Variants in ADGRL2 observed in about 807,000 individuals in gnomAD.
The protein encoded by ADGRL2 is calcium-independent alpha-latrotoxin receptor 2.
ADGRL2 carries 44 observed loss-of-function variants against 157.4 expected under a neutral mutation model. The observed-to-expected ratio is 0.28, with a 90% CI of 0.22 to 0.36. The LOEUF (loss-of-function observed/expected upper bound fraction) is 0.36, where lower values mean the gene tolerates loss of function less well. ADGRL2 is among the 10% of genes least tolerant of loss of function. ADGRL2 has a pLI of 1.00. For synonymous variants in ADGRL2, 585 were observed against 624.7 expected (o/e 0.94, Z 0.95); for missense variants, 1,510 against 1,768.9 (o/e 0.85, Z 2.63).
intron 2 of ADGRL2, among the ~76,000 whole-genome samples, chr1:81,885,942 G>A (rs77778305): frequency 0.019 from 2,839 of 152,202 alleles, 78 homozygotes; most frequent in African/African-American, 0.065. Context: ...AATTTAGACA[G>A]GTCAGATAAC....
At chr1:81,460,647 TC>T (rs113658032) in intron 2 of ADGRL2, among the ~76,000 whole-genome samples, 13 of 152,144 alleles carry the variant, frequency 8.5e-5, no homozygotes, top group African/African-American at 2.9e-4. Context: ...ATTTACTGTT[TC>T]CCCATTGACT....
At position 81,883,261 on chromosome 1, in the gene ADGRL2, C is replaced by T. The variant is rs556668523; in HGVS notation, c.74-23756C>T. Among the ~76,000 whole-genome samples, 232 of 152,276 alleles carry T rather than the reference C, an allele frequency of 1.5e-3. 7 individuals are homozygous for T. The South Asian group carries it at 0.033, about 22-fold the overall frequency. ...TTTTTAAAAAATTATAACATTCTAA[C>T]ATTACTTGAGCACTAAAGTGCTACA... On this transcript the variant is annotated intron_variant, in intron 2 of 23. Transcript: ENST00000686636.
At chr1:81,462,462 C>T (rs757092820) in intron 2 of ADGRL2, among the ~76,000 whole-genome samples, 1 of 151,194 alleles carries the variant, frequency 6.6e-6, no homozygotes, top group Non-Finnish European at 1.5e-5. Flanking sequence ...AAGAACCCAC[C>T]AGAAGGAACA....
At chr1:81,664,261 C>G (rs1308199827) in intron 3 of ADGRL2, among the ~76,000 whole-genome samples, 1 of 152,014 alleles carries the variant, frequency 6.6e-6, no homozygotes, top group Non-Finnish European at 1.5e-5. Context: ...TCTCAGACAT[C>G]TAGAATATAG....
At chr1:81,895,093 T>TG (rs2094353044) in intron 2 of ADGRL2, among the ~76,000 whole-genome samples, 2 of 152,172 alleles carry the variant, frequency 1.3e-5, no homozygotes, top group South Asian at 2.1e-4. Flanking sequence ...CTAAGACACT[T>TG]GCTTGAGTCA....
At chr1:81,949,498 T>C (rs1190764537) in intron 6 of ADGRL2, among the ~76,000 whole-genome samples, 1 of 152,246 alleles carries the variant, frequency 6.6e-6, no homozygotes, top group Non-Finnish European at 1.5e-5. Flanking sequence ...TTTGATCTGA[T>C]GCTTTATCTT....
At chr1:81,749,185 A>G (rs188535349) in intron 1 of ADGRL2, among the ~76,000 whole-genome samples, 103 of 152,210 alleles carry the variant, frequency 6.8e-4, no homozygotes, top group African/African-American at 2.5e-3. Context: ...ACCTTCCCCA[A>G]TTTACCATTT....
chr1:81,903,933 T>G (rs1290589547), intron 2 of ADGRL2, among the ~76,000 whole-genome samples: 1 of 151,584 alleles, frequency 6.6e-6, no homozygotes, highest in Non-Finnish European at 1.5e-5. Flanking sequence ...GTGATACATA[T>G]ATAATAATAA....
intron 2 of ADGRL2, among the ~76,000 whole-genome samples, chr1:81,507,107 AG>A (rs1229938772): frequency 6.6e-6 from 1 of 151,994 alleles, no homozygotes. Context: ...TTTAATAGCA[AG>A]GGGGAAAGGT....
intron 2 of ADGRL2, among the ~76,000 whole-genome samples, chr1:81,887,167 T>C (rs1441821234): frequency 2.0e-5 from 3 of 151,856 alleles, no homozygotes; most frequent in Non-Finnish European, 2.9e-5. Context: ...TGAGTGTCAC[T>C]TGAAGCTTCA....
intron 3 of ADGRL2, among the ~76,000 whole-genome samples, chr1:81,658,109 G>A (rs1355002162): frequency 5.3e-5 from 8 of 151,834 alleles, no homozygotes; most frequent in African/African-American, 9.7e-5. Flanking sequence ...TCTTTTTTGC[G>A]GGGAGGGATG....
chr1:81,653,450 A>G (rs1387383394), intron 3 of ADGRL2, among the ~76,000 whole-genome samples: 2 of 152,016 alleles, frequency 1.3e-5, no homozygotes, highest in African/African-American at 2.4e-5. Context: ...TACACCATCA[A>G]GAGATCCTGA....
chr1:81,842,012 G>T (rs1260665179), intron 2 of ADGRL2, among the ~76,000 whole-genome samples: 2 of 152,104 alleles, frequency 1.3e-5, no homozygotes, highest in East Asian at 1.9e-4. Flanking sequence ...TCACCTGGAA[G>T]ATCTGCGGTG....
At chr1:81,569,845 CA>C (rs1557470381) in intron 2 of ADGRL2, among the ~76,000 whole-genome samples, 1 of 151,816 alleles carries the variant, frequency 6.6e-6, no homozygotes, top group African/African-American at 2.4e-5. Context: ...AAAATTAAAC[CA>C]AAAAAGATGT....
At chr1:81,820,350 C>T (rs1384733477) in intron 1 of ADGRL2, among the ~76,000 whole-genome samples, 4 of 152,044 alleles carry the variant, frequency 2.6e-5, no homozygotes, top group East Asian at 1.9e-4. Context: ...TGTCCTAATC[C>T]GAAAGTATTC....
intron 1 of ADGRL2, among the ~76,000 whole-genome samples, chr1:81,341,889 AG>A (rs1662101966): frequency 6.6e-6 from 1 of 152,160 alleles, no homozygotes; most frequent in Non-Finnish European, 1.5e-5. Context: ...TTCAAATTCT[AG>A]GTTTTTATAT....
chr1:81,869,340 A>T (rs2093632459), intron 2 of ADGRL2, among the ~76,000 whole-genome samples: 1 of 152,136 alleles, frequency 6.6e-6, no homozygotes, highest in African/African-American at 2.4e-5. Context: ...TGATTTTAAA[A>T]AACACGCTTA....
At position 81,951,032 on chromosome 1, in the gene ADGRL2, C is replaced by T. The variant is rs759016504; in HGVS notation, c.1519C>T (p.Leu507Phe). The T allele has an allele frequency of 2.5e-6, 4 of 1,611,980 alleles. No individual in the cohort carries two copies. In the South Asian group the frequency reaches 4.4e-5, roughly 18 times the overall value. Residue 507 changes from leucine (L) to phenylalanine (F), a missense_variant, in exon 8 of 24, where the codon CTC becomes TTC. Around this residue, in one of 4 missense-constraint regions of ADGRL2, gnomAD observed 325 missense variants for 333.2 expected, o/e 0.98. Transcript: ENST00000686636. ...ATCTGTTGTAGGAACTGCCTCATAT[C>T]TCTGCATGATTTCCACTGGAACATG... ...PKGTRGTASY[L>F]CMISTGTWNP...
At position 81,981,788 on chromosome 1, in the gene ADGRL2, A is replaced by G. The variant is rs753377497; in HGVS notation, c.3114-20A>G. On this transcript the variant is annotated intron_variant, in intron 18 of 23. Transcript: ENST00000686636. ...TTTTGCTCATTGAACCTGTTAAAAA[A>G]GTTCACTTTATTTTTCCAGGTCTTG... 3 of 1,595,976 alleles carry G rather than the reference A, an allele frequency of 1.9e-6. No individual in the cohort carries two copies. The African/African-American group carries it at 4.1e-5, about 22-fold the overall frequency.
Sources: allele counts gnomAD v4.1 joint callset (sites outside exome capture counted in the v4.1 genomes callset), GRCh38; gene constraint gnomAD v4.1.1; regional missense constraint gnomAD v4.1.1; transcripts MANE v1.5; gene names NCBI Gene and HGNC (gene_info 2026-07-23, HGNC 2026-07-21).